The following CLVS1 variants were observed in gnomAD, a reference collection of about 807,000 sequenced individuals.
CLVS1 encodes the protein clavesin-1.
Under a neutral mutation model 33.1 loss-of-function variants are expected in CLVS1, and 10 were observed. The observed-to-expected ratio is 0.30, with a 90% CI of 0.19 to 0.51. CLVS1 has a LOEUF of 0.51. CLVS1 is among the 20% of genes least tolerant of loss of function. The pLI is 0.97. For synonymous variants in CLVS1, 163 were observed against 166.1 expected (o/e 0.98, Z 0.14); for missense variants, 343 against 433.4 (o/e 0.79, Z 1.85).
chr8:61,331,851 T>TCC (rs1372854628), intron 2 of CLVS1, among the ~76,000 whole-genome samples: 17 of 147,804 alleles, frequency 1.2e-4, no homozygotes, highest in African/African-American at 4.5e-4. Flanking sequence ...CTCCTCCTCC[T>TCC]TCTTCTTCTC....
chr8:61,359,654 C>A (rs1204609758), intron 2 of CLVS1, among the ~76,000 whole-genome samples: 2 of 152,118 alleles, frequency 1.3e-5, no homozygotes, highest in African/African-American at 4.8e-5. Flanking sequence ...CCATGCCTGG[C>A]CAGAAAAGAC....
chr8:61,478,122 C>A (rs989111808), intron 5 of CLVS1, among the ~76,000 whole-genome samples: 1 of 152,112 alleles, frequency 6.6e-6, no homozygotes, highest in Non-Finnish European at 1.5e-5. Flanking sequence ...TGTAGTTGAG[C>A]GGTTTTGAGT....
intron 2 of CLVS1, among the ~76,000 whole-genome samples, chr8:61,189,822 A>G (rs1807430692): frequency 6.6e-6 from 1 of 152,236 alleles, no homozygotes; most frequent in Non-Finnish European, 1.5e-5. Context: ...AGAAGAGCTA[A>G]CTATCCTAAA....
At chr8:61,128,049 C>T (rs1806008682) in intron 1 of CLVS1, among the ~76,000 whole-genome samples, 1 of 152,200 alleles carries the variant, frequency 6.6e-6, no homozygotes, top group Non-Finnish European at 1.5e-5. Flanking sequence ...ACTCATTAAC[C>T]AGCTGCCATG....
chr8:61,030,646 G>T, the CLVS1 span, among the ~76,000 whole-genome samples: 1 of 152,202 alleles, frequency 6.6e-6, no homozygotes, highest in Non-Finnish European at 1.5e-5. Context: ...CGAGAAGGTG[G>T]CTGTGGACAG....
At chr8:61,341,587 T>G (rs1812030812) in intron 2 of CLVS1, among the ~76,000 whole-genome samples, 1 of 152,208 alleles carries the variant, frequency 6.6e-6, no homozygotes, top group African/African-American at 2.4e-5. Context: ...GTGGGCCCTG[T>G]CTTCCTGGGA....
chr8:61,265,391 C>T (rs1194253681), intron 2 of CLVS1, among the ~76,000 whole-genome samples: 1 of 152,168 alleles, frequency 6.6e-6, no homozygotes, highest in African/African-American at 2.4e-5. Context: ...ACTTCAGTTT[C>T]CTTAACTATA....
At chr8:61,414,299 C>T (rs1242939298) in intron 3 of CLVS1, among the ~76,000 whole-genome samples, 1 of 152,002 alleles carries the variant, frequency 6.6e-6, no homozygotes, top group Non-Finnish European at 1.5e-5. Flanking sequence ...AGAAAGTCTC[C>T]GTGGCTGAAG....
chr8:61,231,286 G>GCACACACACACACACACACA (rs4033613), intron 2 of CLVS1, among the ~76,000 whole-genome samples: 33 of 150,078 alleles, frequency 2.2e-4, no homozygotes, highest in African/African-American at 8.2e-4. Context: ...ACCTGTGCTT[G>GCACACACACACACACACACA]CACACACACA....
intron 1 of CLVS1, among the ~76,000 whole-genome samples, chr8:61,084,095 G>A (rs1419962051): frequency 6.6e-6 from 1 of 152,172 alleles, no homozygotes. Flanking sequence ...TGAGAAGATA[G>A]GACTAAGATT....
intron 4 of CLVS1, among the ~76,000 whole-genome samples, chr8:61,455,916 C>T (rs181896988): frequency 5.6e-4 from 86 of 152,262 alleles, no homozygotes; most frequent in African/African-American, 1.9e-3. Context: ...GGGTAATTTC[C>T]CTGTTCTCAA....
chr8:61,149,551 C>CAAAAAAAAAAAAAAAAA lies in CLVS1; in HGVS notation c.-152+17692_-152+17708dup, dbSNP rs1166606940. Among the ~76,000 whole-genome samples, 90 of 51,900 alleles carry CAAAAAAAAAAAAAAAAA rather than the reference C, an allele frequency of 1.7e-3. 2 individuals carry two copies. The highest frequency in any genetic ancestry group is 2.8e-3 in the Non-Finnish European group (64 of 22,872). The allele number at this position is 51,900 out of a possible 152,430, so 34.0% of individuals were successfully genotyped here. The stretch of plus-strand genomic sequence containing the variant: ...TAGGCGACAGAACGAGACTCTGTCT[C>CAAAAAAAAAAAAAAAAA]AAAAAAAAAAAAAAAAACAAAAAAC... On this transcript the variant is annotated intron_variant, in intron 2 of 2. Transcript: ENST00000522621.
chr8:61,126,711 C>A (rs1805979491), intron 1 of CLVS1, among the ~76,000 whole-genome samples: 1 of 152,170 alleles, frequency 6.6e-6, no homozygotes, highest in South Asian at 2.1e-4. Context: ...ACAGCTGAAT[C>A]CAAGTGTTCA....
chr8:61,017,219 T>G, the CLVS1 span, among the ~76,000 whole-genome samples: 1 of 152,254 alleles, frequency 6.6e-6, no homozygotes, highest in African/African-American at 2.4e-5. Context: ...CAAATAGAGT[T>G]AGCCAAATGG....
chr8:61,199,049 G>T (rs971831324), intron 2 of CLVS1, among the ~76,000 whole-genome samples: 5 of 152,090 alleles, frequency 3.3e-5, no homozygotes, highest in African/African-American at 4.8e-5. Context: ...GGGTCTTTTT[G>T]GTATAATGAC....
chr8:61,063,268 A>AGG (rs1804615663), intron 1 of CLVS1, among the ~76,000 whole-genome samples: 1 of 127,044 alleles, frequency 7.9e-6, no homozygotes, highest in Non-Finnish European at 1.5e-5. Flanking sequence ...AGCGAGAGAG[A>AGG]GAGAGAGAGA....
the CLVS1 span, among the ~76,000 whole-genome samples, chr8:60,996,191 G>A: frequency 1.3e-5 from 2 of 152,166 alleles, no homozygotes; most frequent in Non-Finnish European, 2.9e-5. Flanking sequence ...TGGCTGCAAT[G>A]CTATTGAATG....
At chr8:61,319,045 A>G (rs1811107190) in intron 2 of CLVS1, among the ~76,000 whole-genome samples, 1 of 152,152 alleles carries the variant, frequency 6.6e-6, no homozygotes, top group Non-Finnish European at 1.5e-5. Flanking sequence ...AATATTTTAA[A>G]CATACATATT....
At chr8:61,259,048 T>C (rs1335927173) in intron 2 of CLVS1, among the ~76,000 whole-genome samples, 2 of 152,198 alleles carry the variant, frequency 1.3e-5, no homozygotes, top group Non-Finnish European at 2.9e-5. Context: ...AAGAATTCTA[T>C]GGTCAAACTA....
Sources: allele counts gnomAD v4.1 joint callset (sites outside exome capture counted in the v4.1 genomes callset), GRCh38; gene constraint gnomAD v4.1.1; transcripts MANE v1.5; gene names NCBI Gene and HGNC (gene_info 2026-07-23, HGNC 2026-07-21).